The following ITPR2 variants were observed in gnomAD, a reference collection of about 807,000 sequenced individuals.
ITPR2 encodes inositol 1,4,5-trisphosphate receptor type 2.
Under a neutral mutation model 317.1 loss-of-function variants are expected in ITPR2, and 207 were observed. The observed-to-expected ratio is 0.65, with a 90% CI of 0.58 to 0.73. ITPR2 has a LOEUF of 0.73. ITPR2 is among the 30% of genes least tolerant of loss of function. The pLI, the probability that ITPR2 is intolerant of heterozygous loss-of-function variation, is 0.00. For missense variants in ITPR2, 2,613 were observed against 3,284.0 expected, an observed-to-expected ratio of 0.80 and a Z score of 4.99; for synonymous variants, 1,156 against 1,149.1, an observed-to-expected ratio of 1.01 and a Z score of -0.12.
At chr12:26,781,989 CCTGTATATATATATAT>C (rs1463795799) in intron 2 of ITPR2, among the ~76,000 whole-genome samples, 6 of 73,562 alleles carry the variant, frequency 8.2e-5, no homozygotes, top group African/African-American at 3.5e-4. Flanking sequence ...AATAAACTCC[CCTGTATATATATATAT>C]ATATATATAT....
intron 10 of ITPR2, among the ~76,000 whole-genome samples, chr12:26,687,659 C>A (rs1399059215): frequency 6.6e-6 from 1 of 152,134 alleles, no homozygotes; most frequent in Non-Finnish European, 1.5e-5. Flanking sequence ...GATCAAAAAG[C>A]CTTGCTTTTT....
intron 10 of ITPR2, 135 bp downstream of exon 10, chr12:26,695,471 C>A: frequency 1.5e-6 from 1 of 682,210 alleles, no homozygotes; most frequent in South Asian, 1.9e-5. Flanking sequence ...CATCTTTTAC[C>A]TGTGAACCAT....
chr12:26,404,680 G>T (rs1375265782), intron 52 of ITPR2, among the ~76,000 whole-genome samples: 1 of 152,164 alleles, frequency 6.6e-6, no homozygotes, highest in Admixed American at 6.6e-5. Flanking sequence ...GGGAGTTTCA[G>T]GGAATAAGAA....
rs535270074 is a variant in ITPR2 at position 26,651,741 on chromosome 12, C to T, written c.2740+2235G>A. Among the ~76,000 whole-genome samples, 8 of 152,284 alleles carry T rather than the reference C, an allele frequency of 5.3e-5. No homozygotes were observed. In the East Asian group the frequency reaches 1.5e-3, roughly 29 times the overall value. Reference sequence around the variant, plus strand: ...TTCAGCAGACAGGATCCACAAGGAGCGGGTTTATAGGATCTCTTGTTCAAC... The same window carrying T: ...TTCAGCAGACAGGATCCACAAGGAGTGGGTTTATAGGATCTCTTGTTCAAC... On this transcript the variant is annotated intron_variant, in intron 21 of 56. Transcript: ENST00000381340.
At chr12:26,507,863 C>CTGTGTG (rs1555144092) in intron 37 of ITPR2, among the ~76,000 whole-genome samples, 4 of 132,282 alleles carry the variant, frequency 3.0e-5, no homozygotes, top group South Asian at 2.4e-4. Context: ...CTCTCTGTCT[C>CTGTGTG]TGTGTGTGTG....
At chr12:26,778,522 T>C (rs1003318990) in intron 2 of ITPR2, among the ~76,000 whole-genome samples, 2 of 152,224 alleles carry the variant, frequency 1.3e-5, no homozygotes, top group African/African-American at 4.8e-5. Context: ...GCAAATGCCT[T>C]TTTCTCCATT....
In ITPR2 at chr12:26,657,858, T is replaced by A; in HGVS notation, c.2041A>T (p.Ser681Cys). 1 of 1,614,130 alleles carries A rather than the reference T, an allele frequency of 6.2e-7. No individual in the cohort carries two copies. The highest frequency in any genetic ancestry group is 8.5e-7 in the Non-Finnish European group (1 of 1,180,018). The part of the protein sequence containing the change: ...VSMQADNPME[S>C]SILSDDIDDE... ...TCAATGTCATCTGAAAGGATGGAGC[T>A]CTCCATGGGGTTGTCTGCTTGCATT... The change falls in exon 18 of 57, where the codon AGC becomes TGC. Residue 681 changes from serine to cysteine, a missense_variant. By Grantham distance (112) the Ser-to-Cys change is moderately radical. This residue lies in a region of ITPR2 where 817 missense variants were observed against 897.6 expected (regional missense o/e 0.91). Coordinates refer to ENST00000381340, the MANE Select transcript of ITPR2 (RefSeq NM_002223.4).
intron 26 of ITPR2, 114 bp from the exon 27 acceptor site, chr12:26,602,820 T>C (rs1275156809): frequency 7.9e-6 from 4 of 503,988 alleles, no homozygotes; most frequent in Non-Finnish European, 1.3e-5. Flanking sequence ...AAATCTATTA[T>C]TCAACTTAAA....
chr12:26,595,647 T>TTG, intron 31 of ITPR2, 57 bp from the exon 32 acceptor site: 1 of 1,336,594 alleles, frequency 7.5e-7, no homozygotes, highest in Non-Finnish European at 1.0e-6. Flanking sequence ...GACTTTCAAA[T>TTG]ATCAATTATG....
chr12:26,381,438 T>C (rs1171379162), intron 55 of ITPR2, among the ~76,000 whole-genome samples: 1 of 152,194 alleles, frequency 6.6e-6, no homozygotes, highest in Non-Finnish European at 1.5e-5. Context: ...TTTATCTTTA[T>C]ACAGCAAATC....
intron 26 of ITPR2, among the ~76,000 whole-genome samples, chr12:26,607,589 G>C (rs114748176): frequency 0.012 from 1,774 of 152,124 alleles, 39 homozygotes; most frequent in African/African-American, 0.041. Context: ...TGCTTCCCTG[G>C]GAAGCACCTA....
intron 37 of ITPR2, among the ~76,000 whole-genome samples, chr12:26,541,964 T>C (rs1377350523): frequency 6.6e-6 from 1 of 152,074 alleles, no homozygotes; most frequent in African/African-American, 2.4e-5. Flanking sequence ...ACTCCGGATA[T>C]CAACTTTCAA....
intron 35 of ITPR2, among the ~76,000 whole-genome samples, chr12:26,558,158 A>T (rs947647147): frequency 6.6e-6 from 1 of 152,264 alleles, no homozygotes; most frequent in Non-Finnish European, 1.5e-5. Flanking sequence ...TAGATATTAT[A>T]TAAAAGTGGG....
In ITPR2 at chr12:26,360,351, T is replaced by A. The variant is rs909607643; in HGVS notation, c.7858-20023A>T. 6.6e-5 allele frequency among the ~76,000 whole-genome samples: 10 copies of A among 152,356 alleles called. No individual in the cohort carries two copies. In the South Asian group the frequency reaches 8.3e-4, roughly 13 times the overall value. ...CTTCTCGCTCCTATTCTGGCCTTGT[T>A]GTTTCCCGTCTTCGAGGTCCGCTGT... On this transcript the variant is annotated intron_variant, in intron 55 of 56. Coordinates refer to ENST00000381340, the MANE Select transcript of ITPR2 (RefSeq NM_002223.4).
chr12:26,772,263 GGCCAAAT>G (rs1949857477), intron 2 of ITPR2, among the ~76,000 whole-genome samples: 1 of 151,082 alleles, frequency 6.6e-6, no homozygotes, highest in Non-Finnish European at 1.5e-5. Flanking sequence ...AAATCTCTCA[GGCCAAAT>G]GCCATCTCAA....
chr12:26,391,861 C>T (rs1276212631), intron 54 of ITPR2, among the ~76,000 whole-genome samples: 2 of 152,028 alleles, frequency 1.3e-5, no homozygotes, highest in South Asian at 2.1e-4. Flanking sequence ...CCACCGTGCC[C>T]GGCCTATTCT....
intron 55 of ITPR2, among the ~76,000 whole-genome samples, chr12:26,354,983 C>G (rs1938587888): frequency 6.6e-6 from 1 of 152,130 alleles, no homozygotes; most frequent in Non-Finnish European, 1.5e-5. Context: ...TTCTCAAAGT[C>G]TGTCTTCCCT....
intron 34 of ITPR2, among the ~76,000 whole-genome samples, chr12:26,564,980 A>T (rs1345874492): frequency 1.3e-5 from 2 of 152,248 alleles, no homozygotes; most frequent in Non-Finnish European, 2.9e-5. Context: ...AAAGAGTCTG[A>T]CTAGCATCAG....
At chr12:26,768,163 T>G (rs1484838227) in intron 2 of ITPR2, among the ~76,000 whole-genome samples, 1 of 151,778 alleles carries the variant, frequency 6.6e-6, no homozygotes, top group Non-Finnish European at 1.5e-5. Flanking sequence ...CAAACCAGCA[T>G]GGCACATGTT....
Sources: gnomAD v4.1 joint callset for allele counts (sites outside exome capture counted in the v4.1 genomes callset) on GRCh38, gnomAD v4.1.1 for gene constraint, gnomAD v4.1.1 regional missense constraint, MANE v1.5 for transcripts, NCBI Gene and HGNC (gene_info 2026-07-23, HGNC 2026-07-21) for gene names.